The following NCAM2 variants were observed in gnomAD, a reference collection of about 807,000 sequenced individuals.
NCAM2 encodes the protein N-CAM-2.
In NCAM2, 30 loss-of-function variants were observed where a neutral mutation model predicts 98.1. That is an observed-to-expected ratio of 0.31 (90% CI 0.23 to 0.41). The LOEUF is 0.41. Among genes scored for constraint, NCAM2 ranks in the 10% least tolerant of loss-of-function variants. The pLI, the probability that NCAM2 is intolerant of heterozygous loss-of-function variation, is 1.00. For synonymous variants in NCAM2, 368 were observed against 342.4 expected (o/e 1.07, Z -0.83); for missense variants, 867 against 1,005.8 (o/e 0.86, Z 1.87).
At chr21:21,518,810 G>A (rs1203455690) in intron 16 of NCAM2, among the ~76,000 whole-genome samples, 1 of 152,050 alleles carries the variant, frequency 6.6e-6, no homozygotes, top group African/African-American at 2.4e-5. Flanking sequence ...CAATAATTTT[G>A]TTCACATGGA....
At chr21:21,055,862 A>G (rs1220250686) in intron 1 of NCAM2, among the ~76,000 whole-genome samples, 2 of 152,126 alleles carry the variant, frequency 1.3e-5, no homozygotes, top group Non-Finnish European at 2.9e-5. Flanking sequence ...TGTAAATACA[A>G]TGCTGGCATA....
chr21:21,490,473 T>A (rs778342797), intron 15 of NCAM2, among the ~76,000 whole-genome samples: 6 of 151,998 alleles, frequency 3.9e-5, no homozygotes, highest in Non-Finnish European at 7.4e-5. Flanking sequence ...ATTCAATTAG[T>A]CTTTATCATT....
chr21:21,350,313 T>A (rs1323025631), intron 8 of NCAM2, among the ~76,000 whole-genome samples: 2 of 152,194 alleles, frequency 1.3e-5, no homozygotes, highest in African/African-American at 4.8e-5. Context: ...TCAGAGTTCA[T>A]CTTCAATGAT....
intron 5 of NCAM2, among the ~76,000 whole-genome samples, chr21:21,316,950 C>T (rs2826787): frequency 0.081 from 12,263 of 152,198 alleles, 673 homozygotes; most frequent in South Asian, 0.19. Context: ...TTTACACATC[C>T]GACTGTTTTA....
chr21:21,282,827 TAG>T (rs2072976153), intron 2 of NCAM2, among the ~76,000 whole-genome samples: 1 of 151,850 alleles, frequency 6.6e-6, no homozygotes, highest in African/African-American at 2.4e-5. Flanking sequence ...AATTATTTGT[TAG>T]AGATGCCTGA....
intron 1 of NCAM2, among the ~76,000 whole-genome samples, chr21:21,148,874 C>T (rs1189519668): frequency 1.3e-5 from 2 of 152,100 alleles, no homozygotes; most frequent in African/African-American, 2.4e-5. Flanking sequence ...TTGTATATCT[C>T]ATACCATATT....
At chr21:21,286,222 ACTTTT>A in intron 3 of NCAM2, 42 bp from the exon 4 acceptor site, 8 of 1,420,844 alleles carry the variant, frequency 5.6e-6, no homozygotes, top group Non-Finnish European at 7.4e-6. Flanking sequence ...AAGCAATGAT[ACTTTT>A]GTGATTTGTG....
chr21:21,438,133 C>T (rs752107287), intron 12 of NCAM2, among the ~76,000 whole-genome samples: 30 of 151,996 alleles, frequency 2.0e-4, no homozygotes, highest in Non-Finnish European at 3.7e-4. Context: ...CTCTGAGCAG[C>T]TTTATTTATT....
At chr21:21,392,774 C>A (rs1262550203) in intron 9 of NCAM2, among the ~76,000 whole-genome samples, 3 of 152,094 alleles carry the variant, frequency 2.0e-5, no homozygotes, top group Non-Finnish European at 4.4e-5. Context: ...TGTTCATGTT[C>A]TTTGCCCACT....
chr21:21,123,847 G>GTTTTTTTTTTTTT (rs1569047303), intron 1 of NCAM2, among the ~76,000 whole-genome samples: 4 of 14,804 alleles, frequency 2.7e-4, no homozygotes, highest in Admixed American at 1.1e-3. Context: ...ATTCTTGATT[G>GTTTTTTTTTTTTT]CTTTTTTTTT....
At chr21:21,353,867 A>G (rs1159577234) in intron 8 of NCAM2, among the ~76,000 whole-genome samples, 2 of 152,198 alleles carry the variant, frequency 1.3e-5, no homozygotes, top group East Asian at 3.9e-4. Context: ...CCACAAAACA[A>G]GTTATTGAAG....
Position 21,140,952 on chromosome 21 carries a change from T to C in NCAM2, c.56-139626T>C, listed in dbSNP as rs145434670. Among the ~76,000 whole-genome samples the C allele has an allele frequency of 1.2e-3, 181 of 152,262 alleles. 4 individuals carry two copies. In the East Asian group the frequency reaches 0.027, roughly 23 times the overall value. ...AGGTAATTTCTTAAATTAACCCTGA[T>C]TTAACATGTACCCTGCTGTGAAGGA... On this transcript the variant is annotated intron_variant, in intron 1 of 17. Coordinates refer to ENST00000400546, the MANE Select transcript of NCAM2 (RefSeq NM_004540.5).
chr21:21,016,216 A>G (rs117190933), intron 1 of NCAM2, among the ~76,000 whole-genome samples: 2 of 152,290 alleles, frequency 1.3e-5, no homozygotes, highest in East Asian at 1.9e-4. Context: ...CTCGAAGTAC[A>G]TGACTGGCCA....
chr21:21,178,652 T>G (rs1431436848), intron 1 of NCAM2, among the ~76,000 whole-genome samples: 2 of 152,038 alleles, frequency 1.3e-5, no homozygotes, highest in Admixed American at 6.6e-5. Context: ...TCTGTATTTT[T>G]AATGTATGTT....
intron 1 of NCAM2, among the ~76,000 whole-genome samples, chr21:21,242,083 C>T (rs1298877230): frequency 6.6e-6 from 1 of 152,092 alleles, no homozygotes; most frequent in East Asian, 1.9e-4. Context: ...TCTGGAATTA[C>T]ATTAAGTGGT....
intron 1 of NCAM2, among the ~76,000 whole-genome samples, chr21:21,016,170 A>T (rs2064304983): frequency 6.6e-6 from 1 of 152,074 alleles, no homozygotes; most frequent in African/African-American, 2.4e-5. Context: ...CCTTTCCCGA[A>T]TCAACTCCCT....
rs762985208 is a variant in NCAM2 at position 21,286,253 on chromosome 21, T to C, written c.338-16T>C. ...GTGATTTGTGATTTGTGATTTGTTT[T>C]ACTTTGTTGATACAGAAAAACTCAC... On this transcript the variant is annotated splice_polypyrimidine_tract_variant and intron_variant, in intron 3 of 17. Transcript: ENST00000400546. 2 of 1,570,296 alleles carry C rather than the reference T, an allele frequency of 1.3e-6. No individual in the cohort carries two copies. The highest frequency in any genetic ancestry group is 2.7e-5 in the African/African-American group (2 of 73,504).
intron 9 of NCAM2, among the ~76,000 whole-genome samples, chr21:21,408,958 AAC>A (rs1978894503): frequency 3.3e-5 from 5 of 151,102 alleles, no homozygotes; most frequent in South Asian, 2.1e-4. Flanking sequence ...GATATAACAA[AAC>A]TGGATATTGC....
intron 12 of NCAM2, among the ~76,000 whole-genome samples, chr21:21,445,856 A>G (rs1049215975): frequency 2.6e-5 from 4 of 152,016 alleles, no homozygotes; most frequent in South Asian, 2.1e-4. Flanking sequence ...TGTGAGTTTG[A>G]TCCTGATCAA....
Sources: gnomAD v4.1 joint callset for allele counts (sites outside exome capture counted in the v4.1 genomes callset) on GRCh38, gnomAD v4.1.1 for gene constraint, MANE v1.5 for transcripts, NCBI Gene and HGNC (gene_info 2026-07-23, HGNC 2026-07-21) for gene names.